SYT1: variants seen among roughly 807,000 people sequenced by gnomAD.
SYT1 encodes the protein synaptotagmin-1.
A neutral mutation model predicts 44.8 loss-of-function variants in SYT1; 8 were observed. The observed-to-expected ratio is 0.18, with a 90% CI of 0.10 to 0.32. SYT1 has a LOEUF of 0.32. SYT1 is among the 10% of genes least tolerant of loss of function. The pLI is 1.00. For synonymous variants in SYT1, 154 were observed against 188.8 expected (o/e 0.82, Z 1.51); for missense variants, 286 against 509.3 (o/e 0.56, Z 4.22).
At position 79,423,210 on chromosome 12, in the gene SYT1, A is replaced by C. The variant is rs138781415; in HGVS notation, c.929-20863A>C. Among the ~76,000 whole-genome samples the C allele has an allele frequency of 3.4e-3, 511 of 152,222 alleles. 2 individuals carry two copies. The highest frequency in any genetic ancestry group is 5.4e-3 in the Non-Finnish European group (365 of 67,998). On this transcript the variant is annotated intron_variant, in intron 9 of 10. Transcript: ENST00000261205. ...CGCCCACACATGTGTGCACACGTGC[A>C]TGCATGCTTTGTTTTGTTTTAATGT...
At chr12:79,107,922 G>T (rs761949977) in intron 3 of SYT1, among the ~76,000 whole-genome samples, 19 of 151,908 alleles carry the variant, frequency 1.3e-4, no homozygotes, top group Non-Finnish European at 2.7e-4. Context: ...ACAGAGAGAT[G>T]TACTAGATGG....
chr12:79,159,587 CGTTAAA>C (rs1870821036), intron 3 of SYT1, among the ~76,000 whole-genome samples: 1 of 152,000 alleles, frequency 6.6e-6, no homozygotes, highest in African/African-American at 2.4e-5. Context: ...CTAATTTATA[CGTTAAA>C]CTTTATCATA....
At chr12:79,123,249 A>G (rs1868308696) in intron 3 of SYT1, among the ~76,000 whole-genome samples, 1 of 151,216 alleles carries the variant, frequency 6.6e-6, no homozygotes, top group African/African-American at 2.4e-5. Flanking sequence ...CAGCATTACA[A>G]TTCCTATCAA....
intron 1 of SYT1, among the ~76,000 whole-genome samples, chr12:78,903,073 G>A (rs1875752400): frequency 6.6e-6 from 1 of 151,986 alleles, no homozygotes; most frequent in Non-Finnish European, 1.5e-5. Context: ...TCAGAAAATT[G>A]TCAAAATTCA....
In SYT1 at chr12:79,053,680, TAAAC is replaced by T. The variant is rs993140036; in HGVS notation, c.-18+6321_-18+6324del. Among the ~76,000 whole-genome samples, 74 of 150,368 alleles carry T rather than the reference TAAAC, an allele frequency of 4.9e-4. 1 individual carries two copies. Among genetic ancestry groups the T allele is most frequent in the South Asian group, 1.9e-3 (9 of 4,820 alleles). ...AAAATAATTAAAATTTATATATAAA[TAAAC>T]AACACTTATTTTTAAACAAACAATA... On this transcript the variant is annotated intron_variant, in intron 3 of 10. Coordinates refer to ENST00000261205, the MANE Select transcript of SYT1 (RefSeq NM_005639.3).
At chr12:79,095,216 A>C (rs1878044422) in intron 3 of SYT1, among the ~76,000 whole-genome samples, 1 of 151,954 alleles carries the variant, frequency 6.6e-6, no homozygotes, top group Non-Finnish European at 1.5e-5. Flanking sequence ...AATTCAAATA[A>C]ATTCTTATAA....
At chr12:79,145,773 T>G (rs1323301717) in intron 3 of SYT1, among the ~76,000 whole-genome samples, 2 of 150,812 alleles carry the variant, frequency 1.3e-5, no homozygotes, top group African/African-American at 5.0e-5. Context: ...TTGTTTGTTT[T>G]TTGAGACGGA....
chr12:79,370,948 A>C (rs553628826), intron 9 of SYT1, among the ~76,000 whole-genome samples: 1 of 152,104 alleles, frequency 6.6e-6, no homozygotes, highest in Admixed American at 6.6e-5. Context: ...ATGGAAGAGC[A>C]CATCTATTAA....
intron 3 of SYT1, among the ~76,000 whole-genome samples, chr12:79,181,112 A>G (rs1050045090): frequency 6.6e-6 from 1 of 151,860 alleles, no homozygotes; most frequent in African/African-American, 2.4e-5. Flanking sequence ...AGTCAATTAC[A>G]CCTCTTTCCT....
chr12:79,168,239 G>T (rs775427892), intron 3 of SYT1, among the ~76,000 whole-genome samples: 4 of 152,054 alleles, frequency 2.6e-5, no homozygotes, highest in Non-Finnish European at 5.9e-5. Context: ...TTGAGTGAAA[G>T]TTGTCAGATT....
chr12:79,091,409 C>T (rs1434411901), intron 3 of SYT1, among the ~76,000 whole-genome samples: 2 of 151,924 alleles, frequency 1.3e-5, no homozygotes, highest in Non-Finnish European at 2.9e-5. Context: ...AAAAGAAAGA[C>T]AAAAGTTAAT....
At chr12:79,293,691 A>C (rs1436693214) in intron 6 of SYT1, among the ~76,000 whole-genome samples, 4 of 152,214 alleles carry the variant, frequency 2.6e-5, no homozygotes, top group Non-Finnish European at 5.9e-5. Context: ...AGGAATTGAC[A>C]GTTCTAATAA....
intron 4 of SYT1, among the ~76,000 whole-genome samples, chr12:79,264,787 A>G (rs1878035304): frequency 1.3e-5 from 2 of 152,218 alleles, no homozygotes. Flanking sequence ...TGAATAAGAT[A>G]AACAATTCTC....
chr12:78,981,133 T>G (rs1395778860), intron 2 of SYT1, among the ~76,000 whole-genome samples: 6 of 149,410 alleles, frequency 4.0e-5, no homozygotes, highest in African/African-American at 7.4e-5. Context: ...TTGTTTTTTT[T>G]TTTTTTTTTT....
chr12:79,214,555 A>T (rs1874663501), intron 3 of SYT1, among the ~76,000 whole-genome samples: 1 of 152,242 alleles, frequency 6.6e-6, no homozygotes, highest in East Asian at 1.9e-4. Context: ...CTGGAGTAAA[A>T]TGAAAACTAT....
Position 79,346,526 on chromosome 12 carries a change from C to T in SYT1, c.811-6976C>T, listed in dbSNP as rs191675057. 1.6e-3 allele frequency among the ~76,000 whole-genome samples: 240 copies of T among 152,230 alleles called. No homozygotes were observed. In the South Asian group the frequency reaches 0.017, roughly 11 times the overall value. ...TGAAATTCCTAATAGTAATAAGGCC[C>T]CTTCATGAGATAATCACACCAGCAA... is the stretch of plus-strand genomic sequence containing the variant. On this transcript the variant is annotated intron_variant, in intron 8 of 10. Transcript: ENST00000261205.
At chr12:79,370,775 TAATAAAAATAAAA>T (rs1158063078) in intron 9 of SYT1, among the ~76,000 whole-genome samples, 1 of 151,350 alleles carries the variant, frequency 6.6e-6, no homozygotes, top group East Asian at 1.9e-4. Flanking sequence ...AAAATAATAA[TAATAAAAATAAAA>T]AATAAAAATA....
At chr12:79,045,322 G>C (rs1873948180) in intron 2 of SYT1, among the ~76,000 whole-genome samples, 1 of 152,018 alleles carries the variant, frequency 6.6e-6, no homozygotes, top group Non-Finnish European at 1.5e-5. Flanking sequence ...ATAATCTCGT[G>C]GTGCGCCATT....
chr12:79,321,845 G>C (rs1224654301), intron 8 of SYT1, among the ~76,000 whole-genome samples: 3 of 152,200 alleles, frequency 2.0e-5, no homozygotes, highest in Admixed American at 2.0e-4. Flanking sequence ...ACTGGGAACA[G>C]AAACCAGTTC....
Sources: gnomAD v4.1 joint callset for allele counts (sites outside exome capture counted in the v4.1 genomes callset) on GRCh38, gnomAD v4.1.1 for gene constraint, MANE v1.5 for transcripts, NCBI Gene and HGNC (gene_info 2026-07-23, HGNC 2026-07-21) for gene names.